Variants in NRXN1 observed in about 807,000 individuals in gnomAD.
NRXN1 encodes the protein neurexin 1.
In NRXN1, 39 loss-of-function variants were observed where a neutral mutation model predicts 150.9. The ratio of observed to expected loss-of-function variants is 0.26; its 90% CI spans 0.20 to 0.34. The LOEUF is 0.34. Ranked by LOEUF, NRXN1 falls within the 10% of genes least tolerant of loss-of-function variation. NRXN1 has a pLI of 1.00. For missense variants in NRXN1, 1,815 were observed against 1,949.9 expected, an observed-to-expected ratio of 0.93 and a Z score of 1.30; for synonymous variants, 924 against 757.0, an observed-to-expected ratio of 1.22 and a Z score of -3.62.
chr2:49,956,967 C>T (rs1675079297), intron 21 of NRXN1, among the ~76,000 whole-genome samples: 1 of 152,098 alleles, frequency 6.6e-6, no homozygotes, highest in Non-Finnish European at 1.5e-5. Context: ...TAACGGTTCT[C>T]AAAGGTAATT....
chr2:50,484,166 A>T (rs1291046941), intron 15 of NRXN1, among the ~76,000 whole-genome samples: 1 of 152,240 alleles, frequency 6.6e-6, no homozygotes, highest in African/African-American at 2.4e-5. Context: ...TAAAGCACAC[A>T]CAAAAAAACT....
intron 2 of NRXN1, among the ~76,000 whole-genome samples, chr2:50,939,258 T>C (rs1689037955): frequency 6.6e-6 from 1 of 150,448 alleles, no homozygotes; most frequent in Non-Finnish European, 1.5e-5. Context: ...GTAGCCCCAT[T>C]AAAATAATGA....
chr2:50,105,604 A>G (rs1701529657), intron 18 of NRXN1, among the ~76,000 whole-genome samples: 1 of 152,058 alleles, frequency 6.6e-6, no homozygotes, highest in African/African-American at 2.4e-5. Flanking sequence ...AGAATACATA[A>G]TCATCAAAAC....
chr2:50,893,061 C>T (rs1681331700), intron 5 of NRXN1, among the ~76,000 whole-genome samples: 1 of 152,110 alleles, frequency 6.6e-6, no homozygotes, highest in African/African-American at 2.4e-5. Flanking sequence ...AGAGAGGTGG[C>T]TGAGAGCCTA....
intron 5 of NRXN1, among the ~76,000 whole-genome samples, chr2:50,885,860 C>A (rs1680160181): frequency 6.7e-6 from 1 of 149,278 alleles, no homozygotes; most frequent in Non-Finnish European, 1.5e-5. Flanking sequence ...CACGTCTATA[C>A]CATTTAATGT....
chr2:50,124,030 G>A (rs1344827217), intron 18 of NRXN1, among the ~76,000 whole-genome samples: 1 of 152,058 alleles, frequency 6.6e-6, no homozygotes, highest in Non-Finnish European at 1.5e-5. Context: ...GCTATAAATA[G>A]AAAAAGGAAG....
At chr2:50,824,301 A>AGT (rs10651842) in intron 5 of NRXN1, among the ~76,000 whole-genome samples, 82,125 of 149,080 alleles carry the variant, frequency 0.55, 23,619 homozygotes, top group Admixed American at 0.68. Flanking sequence ...AAACCCTTTG[A>AGT]GTGTGTGTGT....
intron 21 of NRXN1, among the ~76,000 whole-genome samples, chr2:50,037,278 G>A (rs934270739): frequency 2.6e-5 from 4 of 151,552 alleles, no homozygotes; most frequent in Non-Finnish European, 4.4e-5. Context: ...TTTTAGCAAA[G>A]CAAACAGTTA....
At chr2:50,615,606 T>C (rs569741860) in intron 8 of NRXN1, 1 of 152,262 alleles carries the variant, frequency 6.6e-6, no homozygotes, top group Admixed American at 6.5e-5. Flanking sequence ...GATGAAAATA[T>C]TGGGATAGAA....
intron 5 of NRXN1, among the ~76,000 whole-genome samples, chr2:50,885,293 A>G (rs1030391827): frequency 5.9e-5 from 9 of 151,506 alleles, no homozygotes; most frequent in Middle Eastern, 3.4e-3. Context: ...CAAGAAAGCT[A>G]TATCTTAGAA....
intron 20 of NRXN1, 65 bp downstream of exon 20, chr2:50,054,890 A>G (rs1305385392): frequency 1.3e-5 from 14 of 1,038,544 alleles, no homozygotes; most frequent in African/African-American, 5.0e-5. Context: ...TAGTGTTACA[A>G]TGAAGTACTA....
rs1230866858 is a variant in NRXN1, at chr2:50,482,061, C to T, written c.3071-9590G>A. Among the ~76,000 whole-genome samples the T allele has an allele frequency of 8.0e-5, 11 of 137,638 alleles. 2 individuals carry two copies. Among genetic ancestry groups the T allele is most frequent in the African/African-American group, 3.9e-4 (11 of 27,944 alleles). The allele number at this position is 137,638 out of a possible 152,430, so 90.3% of individuals were successfully genotyped here. A position where few individuals can be genotyped will look rare whatever the true frequency, so the allele number is the denominator to read the frequency against. ...GGGATTACAGGCGTGAGCCACCGCGCCCGGCCGAACTTTTGTTTCTTATTT... is the reference window on the plus strand; with the variant it reads ...GGGATTACAGGCGTGAGCCACCGCGTCCGGCCGAACTTTTGTTTCTTATTT... On this transcript the variant is annotated intron_variant, in intron 15 of 22. Coordinates refer to ENST00000401669, the MANE Select transcript of NRXN1 (RefSeq NM_001330078.2).
chr2:50,465,564 G>C lies in NRXN1; in HGVS notation c.3245-3C>G. 6.2e-7 allele frequency: 1 copy of C among 1,602,060 alleles called. No homozygotes were observed. Among genetic ancestry groups the C allele is most frequent in the Non-Finnish European group, 8.5e-7 (1 of 1,173,450 alleles). On this transcript the variant is annotated splice_polypyrimidine_tract_variant and splice_region_variant and intron_variant, in intron 16 of 22. Transcript: ENST00000401669. ...CTCTTGGCAGGTTGTGCTGGGCCCT[G>C]CAAAACAATCCAAAGGAAACTTGGG... is the stretch of plus-strand genomic sequence containing the variant.
chr2:50,276,116 G>A (rs539572323), intron 17 of NRXN1, among the ~76,000 whole-genome samples: 22 of 151,854 alleles, frequency 1.4e-4, no homozygotes, highest in South Asian at 4.2e-4. Context: ...CCATAGAAAC[G>A]TGAGAAACTC....
At chr2:50,181,001 G>C (rs958552848) in intron 18 of NRXN1, among the ~76,000 whole-genome samples, 7 of 151,930 alleles carry the variant, frequency 4.6e-5, no homozygotes, top group Non-Finnish European at 1.0e-4. Context: ...TTTTATATTT[G>C]TGTTTTCCAA....
intron 18 of NRXN1, among the ~76,000 whole-genome samples, chr2:50,140,505 G>A (rs1045205592): frequency 2.6e-5 from 4 of 152,058 alleles, no homozygotes; most frequent in African/African-American, 9.7e-5. Context: ...AAAGTCCAGT[G>A]ACTACAGAGG....
chr2:50,180,021 A>T (rs6732453), intron 18 of NRXN1, among the ~76,000 whole-genome samples: 30,128 of 151,984 alleles, frequency 0.2, 3,478 homozygotes, highest in East Asian at 0.4. Flanking sequence ...TTTAATTTTA[A>T]TATTAATTTA....
intron 21 of NRXN1, among the ~76,000 whole-genome samples, chr2:49,955,319 A>T (rs1421101803): frequency 6.6e-6 from 1 of 152,176 alleles, no homozygotes; most frequent in African/African-American, 2.4e-5. Context: ...ACACTTTTTC[A>T]AAGATTTTAT....
chr2:50,913,918 G>T (rs1400890290), intron 5 of NRXN1, among the ~76,000 whole-genome samples: 2 of 151,722 alleles, frequency 1.3e-5, no homozygotes, highest in Non-Finnish European at 1.5e-5. Flanking sequence ...GAAAAGCTGT[G>T]CCTTTACACC....
Sources: allele counts gnomAD v4.1 joint callset (sites outside exome capture counted in the v4.1 genomes callset), GRCh38; gene constraint gnomAD v4.1.1; transcripts MANE v1.5; gene names NCBI Gene and HGNC (gene_info 2026-07-23, HGNC 2026-07-21).